CORO2A: variants seen among roughly 807,000 people sequenced by gnomAD.
The protein encoded by CORO2A is coronin-2A.
Under a neutral mutation model 62.4 loss-of-function variants are expected in CORO2A, and 47 were observed. That is an observed-to-expected ratio of 0.75 (90% CI 0.60 to 0.96). The LOEUF (loss-of-function observed/expected upper bound fraction) is 0.96, where lower values mean the gene tolerates loss of function less well. Ranked by LOEUF, CORO2A falls within the 40% of genes least tolerant of loss-of-function variation. The probability of loss-of-function intolerance (pLI) is 0.00; values close to 1 mark genes in which losing one functional copy is unlikely to be tolerated. For missense variants in CORO2A, 610 were observed against 684.1 expected (o/e 0.89, Z 1.21); for synonymous variants, 273 against 268.9 (o/e 1.02, Z -0.15).
At chr9:98,158,236 A>C (rs1827833671) in intron 1 of CORO2A, among the ~76,000 whole-genome samples, 1 of 152,214 alleles carries the variant, frequency 6.6e-6, no homozygotes, top group Admixed American at 6.5e-5. Context: ...GATTGAGCCC[A>C]GGAGTTCAAA....
chr9:98,168,800 C>A (rs1274824944), intron 1 of CORO2A, among the ~76,000 whole-genome samples: 3 of 152,214 alleles, frequency 2.0e-5, no homozygotes, highest in Non-Finnish European at 2.9e-5. Context: ...CATGAAGCAG[C>A]CTCCCAGGGG....
intron 1 of CORO2A, among the ~76,000 whole-genome samples, chr9:98,190,740 G>A (rs541253963): frequency 6.6e-6 from 1 of 152,198 alleles, no homozygotes; most frequent in Non-Finnish European, 1.5e-5. Flanking sequence ...CTTGAATTAG[G>A]CAAGCAGGAA....
chr9:98,148,991 G>A (rs1827687107), intron 2 of CORO2A, among the ~76,000 whole-genome samples: 1 of 152,150 alleles, frequency 6.6e-6, no homozygotes, highest in Non-Finnish European at 1.5e-5. Flanking sequence ...GGGTTAAGGA[G>A]GGAATGGGGG....
chr9:98,128,846 A>G (rs1320725555), intron 8 of CORO2A, 127 bp from the exon 9 acceptor site: 3 of 681,668 alleles, frequency 4.4e-6, no homozygotes, highest in Non-Finnish European at 8.0e-6. Flanking sequence ...GCTCAGGGAC[A>G]AATACCGACA....
intron 1 of CORO2A, among the ~76,000 whole-genome samples, chr9:98,159,354 C>T (rs1239251414): frequency 6.6e-6 from 1 of 152,160 alleles, no homozygotes; most frequent in Non-Finnish European, 1.5e-5. Flanking sequence ...GGCCTCACAT[C>T]ACCCTCTGAT....
chr9:98,143,420 C>G (rs3780464), intron 2 of CORO2A, among the ~76,000 whole-genome samples: 27,426 of 152,068 alleles, frequency 0.18, 2,735 homozygotes, highest in African/African-American at 0.26. Context: ...GACTGGGAGG[C>G]AGGGGTGGCA....
In CORO2A at chr9:98,131,008, C is replaced by G. The variant is rs749659304; in HGVS notation, c.817G>C (p.Val273Leu). The change falls in exon 7 of 12, where the codon GTG becomes CTG. Residue 273 changes from valine (V) to leucine (L), a missense_variant. Val to Leu is a conservative substitution (Grantham distance 32). Coordinates refer to ENST00000375077, the MANE Select transcript of CORO2A (RefSeq NM_052820.4). ...MEEDLDGSSG[V>L]LFPFYDADTS... ...TCCGCGTCATAGAAGGGAAACAGCA[C>G]GCCCGAGGAGCCGTCCAGGTCCTCC... 6.2e-7 allele frequency: 1 copy of G among 1,613,986 alleles called. No homozygotes were observed. Among genetic ancestry groups the G allele is most frequent in the African/African-American group, 1.3e-5 (1 of 75,020 alleles).
intron 1 of CORO2A, 104 bp from the exon 2 acceptor site, chr9:98,157,764 G>C: frequency 9.1e-7 from 1 of 1,096,562 alleles, no homozygotes; most frequent in Non-Finnish European, 1.3e-6. Flanking sequence ...GAGCAGGACA[G>C]TGGTCAGTTC....
At chr9:98,178,936 A>G (rs533321632) in intron 1 of CORO2A, among the ~76,000 whole-genome samples, 16 of 152,360 alleles carry the variant, frequency 1.1e-4, no homozygotes, top group Middle Eastern at 3.4e-3. Flanking sequence ...GTCCAGGGTC[A>G]CCTGGCTGGT....
chr9:98,181,239 C>T (rs932482612), intron 1 of CORO2A, among the ~76,000 whole-genome samples: 8 of 137,636 alleles, frequency 5.8e-5, no homozygotes, highest in Non-Finnish European at 1.5e-5. Flanking sequence ...CCAGAACCCA[C>T]GGGCACCCAC....
chr9:98,157,418 C>T, intron 2 of CORO2A, 42 bp downstream of exon 2: 5 of 1,592,340 alleles, frequency 3.1e-6, no homozygotes, highest in Non-Finnish European at 4.3e-6. Context: ...CTCTGTCCTG[C>T]CCTGCCTCCA....
chr9:98,159,285 G>C (rs538294682), intron 1 of CORO2A, among the ~76,000 whole-genome samples: 59 of 152,106 alleles, frequency 3.9e-4, no homozygotes, highest in African/African-American at 1.2e-3. Context: ...CTGATCTCAA[G>C]CAATTCTCCT....
At chr9:98,153,135 T>G (rs1048650950) in intron 2 of CORO2A, among the ~76,000 whole-genome samples, 2 of 152,240 alleles carry the variant, frequency 1.3e-5, no homozygotes, top group African/African-American at 4.8e-5. Flanking sequence ...AGTTTTGCTC[T>G]GTCACCCAGG....
In CORO2A at chr9:98,129,806, G is replaced by A; in HGVS notation, c.955C>T (p.Gln319Ter). The A allele has an allele frequency of 6.2e-7, 1 of 1,613,138 alleles. No homozygotes were observed. The highest frequency in any genetic ancestry group is 8.5e-7 in the Non-Finnish European group (1 of 1,179,164). Residue 319 changes from glutamine (Q) to a stop codon, truncating the protein, a stop_gained, in exon 8 of 12, where the codon CAG becomes TAG. Transcript: ENST00000375077. LOFTEE classifies it high-confidence loss of function. The part of the protein sequence containing the change: ...YLTEYRSYNP[Q>*]KGIGVMPKRG... ...GTCCCTCACTTACCGATCCCCTTCT[G>A]TGGGTTATAGGAGCGGTACTCAGTC...
intron 2 of CORO2A, among the ~76,000 whole-genome samples, chr9:98,145,715 T>G (rs986899662): frequency 6.6e-6 from 1 of 152,062 alleles, no homozygotes; most frequent in African/African-American, 2.4e-5. Flanking sequence ...CTTGGTTTTT[T>G]GTTTGTTTGT....
At chr9:98,176,615 TTG>T (rs1199124374) in intron 1 of CORO2A, among the ~76,000 whole-genome samples, 1 of 152,184 alleles carries the variant, frequency 6.6e-6, no homozygotes, top group Non-Finnish European at 1.5e-5. Flanking sequence ...TGGGGGTTTC[TTG>T]TGTGACTTGG....
In CORO2A at chr9:98,126,404, T is replaced by C; in HGVS notation, c.1446+145A>G. 2.8e-6 allele frequency: 3 copies of C among 1,090,836 alleles called. 1 individual carries two copies. Among genetic ancestry groups the C allele is most frequent in the Non-Finnish European group, 4.0e-6 (3 of 759,476 alleles). 67.6% of individuals were successfully genotyped at this position (1,090,836 alleles called of 1,614,324 possible). A position where few individuals can be genotyped will look rare whatever the true frequency, so the allele number is the denominator to read the frequency against. Reference sequence around the variant, plus strand: ...CTCACTGCCTGTTTGTTGAATGAATTAACAAAATGAGTCAAGTGACTAGGC... The same window carrying C: ...CTCACTGCCTGTTTGTTGAATGAATCAACAAAATGAGTCAAGTGACTAGGC... On this transcript the variant is annotated intron_variant, in intron 11 of 11. Coordinates refer to ENST00000375077, the MANE Select transcript of CORO2A (RefSeq NM_052820.4).
intron 1 of CORO2A, among the ~76,000 whole-genome samples, chr9:98,168,551 C>T (rs1053425495): frequency 1.3e-5 from 2 of 152,184 alleles, no homozygotes; most frequent in Admixed American, 6.5e-5. Flanking sequence ...AATCTGAAGC[C>T]AGGCTGTTCA....
At chr9:98,159,649 G>C (rs149126946) in intron 1 of CORO2A, among the ~76,000 whole-genome samples, 4 of 151,682 alleles carry the variant, frequency 2.6e-5, no homozygotes, top group South Asian at 2.1e-4. Context: ...ACTTCCTCCA[G>C]AGAGTCCTCC....
Sources: allele counts gnomAD v4.1 joint callset (sites outside exome capture counted in the v4.1 genomes callset), GRCh38; gene constraint gnomAD v4.1.1; transcripts MANE v1.5; gene names NCBI Gene and HGNC (gene_info 2026-07-23, HGNC 2026-07-21).